CADM2: variants seen among roughly 807,000 people sequenced by gnomAD.
CADM2 encodes the protein immunoglobulin superfamily member 4D.
A neutral mutation model predicts 49.8 loss-of-function variants in CADM2; 12 were observed. The ratio of observed to expected loss-of-function variants is 0.24; its 90% CI spans 0.15 to 0.39. The LOEUF (loss-of-function observed/expected upper bound fraction) is 0.39. CADM2 is among the 10% of genes least tolerant of loss of function. The probability of loss-of-function intolerance (pLI) is 1.00; values close to 1 mark genes in which losing one functional copy is unlikely to be tolerated. For missense variants in CADM2, 378 were observed against 492.3 expected, an observed-to-expected ratio of 0.77 and a Z score of 2.20; for synonymous variants, 214 against 175.4, an observed-to-expected ratio of 1.22 and a Z score of -1.74.
At chr3:85,687,468 A>T (rs955142255) in intron 1 of CADM2, among the ~76,000 whole-genome samples, 4 of 152,196 alleles carry the variant, frequency 2.6e-5, no homozygotes, top group Non-Finnish European at 5.9e-5. Context: ...AAAGGGAAAA[A>T]TATGATAGAA....
chr3:85,716,255 A>G (rs775201376), intron 1 of CADM2, among the ~76,000 whole-genome samples: 12 of 152,204 alleles, frequency 7.9e-5, no homozygotes, highest in Non-Finnish European at 1.5e-4. Context: ...TCTAATGACC[A>G]ATGATGATGA....
intron 1 of CADM2, among the ~76,000 whole-genome samples, chr3:85,096,580 A>T (rs1000490587): frequency 6.6e-6 from 1 of 152,044 alleles, no homozygotes; most frequent in Non-Finnish European, 1.5e-5. Flanking sequence ...GAATATTCGT[A>T]TATCTATAAA....
At chr3:85,187,963 A>T (rs1576073321) in intron 1 of CADM2, among the ~76,000 whole-genome samples, 1 of 152,012 alleles carries the variant, frequency 6.6e-6, no homozygotes, top group African/African-American at 2.4e-5. Flanking sequence ...TTATAATGTA[A>T]GTTACAGTTG....
intron 1 of CADM2, among the ~76,000 whole-genome samples, chr3:85,537,401 A>G (rs563379669): frequency 1.3e-5 from 2 of 152,188 alleles, no homozygotes; most frequent in East Asian, 1.9e-4. Flanking sequence ...TCTGAATTCA[A>G]TGTTAAATTG....
At chr3:85,367,674 G>A (rs577171135) in intron 1 of CADM2, among the ~76,000 whole-genome samples, 2 of 151,930 alleles carry the variant, frequency 1.3e-5, no homozygotes, top group East Asian at 1.9e-4. Context: ...AGTCAGCACC[G>A]TACAGGCATA....
chr3:85,468,030 T>C (rs984472276), intron 1 of CADM2, among the ~76,000 whole-genome samples: 3 of 151,016 alleles, frequency 2.0e-5, no homozygotes, highest in Non-Finnish European at 3.0e-5. Flanking sequence ...GGCGGGCGCC[T>C]GTAGTCCCAG....
intron 8 of CADM2, among the ~76,000 whole-genome samples, chr3:86,032,324 A>G (rs1256580525): frequency 2.6e-5 from 4 of 151,960 alleles, no homozygotes; most frequent in Non-Finnish European, 4.4e-5. Context: ...CTTTTGTTTC[A>G]AAGGACATCT....
intron 1 of CADM2, among the ~76,000 whole-genome samples, chr3:85,343,824 C>A (rs1259503504): frequency 6.6e-6 from 1 of 152,146 alleles, no homozygotes; most frequent in Non-Finnish European, 1.5e-5. Flanking sequence ...CTTGAGTTAT[C>A]TTGTTTGTTT....
intron 2 of CADM2, among the ~76,000 whole-genome samples, chr3:85,745,028 G>C (rs2068557641): frequency 6.6e-6 from 1 of 152,142 alleles, no homozygotes; most frequent in Admixed American, 6.5e-5. Flanking sequence ...TGTGGCGTTG[G>C]TGAGAAGAAA....
At chr3:85,094,220 A>G (rs1370443892) in intron 1 of CADM2, among the ~76,000 whole-genome samples, 1 of 152,162 alleles carries the variant, frequency 6.6e-6, no homozygotes, top group African/African-American at 2.4e-5. Flanking sequence ...AAACTATTTT[A>G]TAAATAAATT....
intron 1 of CADM2, among the ~76,000 whole-genome samples, chr3:85,273,193 T>C (rs1392346503): frequency 1.3e-5 from 2 of 151,304 alleles, no homozygotes; most frequent in East Asian, 1.9e-4. Flanking sequence ...TCAGTGTGGT[T>C]GTATGTGAGT....
At chr3:85,118,203 A>G (rs1189949881) in intron 1 of CADM2, among the ~76,000 whole-genome samples, 1 of 151,858 alleles carries the variant, frequency 6.6e-6, no homozygotes, top group Non-Finnish European at 1.5e-5. Flanking sequence ...ATTTTATATG[A>G]AGTTATATGG....
At chr3:85,018,084 T>C (rs1419540742) in intron 1 of CADM2, among the ~76,000 whole-genome samples, 2 of 152,206 alleles carry the variant, frequency 1.3e-5, no homozygotes, top group African/African-American at 4.8e-5. Flanking sequence ...TCACTTAATG[T>C]GAACATGTGA....
At chr3:85,431,930 A>G (rs2036699209) in intron 1 of CADM2, among the ~76,000 whole-genome samples, 1 of 127,218 alleles carries the variant, frequency 7.9e-6, no homozygotes, top group Non-Finnish European at 1.7e-5. Flanking sequence ...GAGGTTTTAT[A>G]GAGTAGGCTA....
In CADM2 at chr3:85,183,988, A is replaced by G. The variant is rs77282018; in HGVS notation, c.61+224320A>G. Reference sequence around the variant, plus strand: ...TGAGTTATATAGCAAAATGACATGAACAAGAATAAAAATGGTTAGATCATT... The same window carrying G: ...TGAGTTATATAGCAAAATGACATGAGCAAGAATAAAAATGGTTAGATCATT... On this transcript the variant is annotated intron_variant, in intron 1 of 9. Coordinates refer to ENST00000383699, the MANE Select transcript of CADM2 (RefSeq NM_001167675.2). Among the ~76,000 whole-genome samples, 208 of 152,220 alleles carry G rather than the reference A, an allele frequency of 1.4e-3. 4 individuals carry two copies. In the East Asian group the frequency reaches 0.038, roughly 28 times the overall value.
intron 1 of CADM2, among the ~76,000 whole-genome samples, chr3:85,578,520 A>G (rs563737658): frequency 6.6e-6 from 1 of 152,368 alleles, no homozygotes; most frequent in South Asian, 2.1e-4. Context: ...CTTTTGTTTA[A>G]CAGCCCTTCT....
chr3:85,511,185 T>C (rs2040601533), intron 1 of CADM2, among the ~76,000 whole-genome samples: 1 of 152,064 alleles, frequency 6.6e-6, no homozygotes, highest in Non-Finnish European at 1.5e-5. Context: ...TTTGGCTACT[T>C]TCTCAAATTG....
chr3:85,701,149 A>G (rs1484200965), intron 1 of CADM2, among the ~76,000 whole-genome samples: 19 of 152,128 alleles, frequency 1.2e-4, no homozygotes. Flanking sequence ...CACATGGTGG[A>G]GCAGGAAGAA....
chr3:85,703,518 A>T (rs2066847415), intron 1 of CADM2, among the ~76,000 whole-genome samples: 1 of 152,202 alleles, frequency 6.6e-6, no homozygotes. Flanking sequence ...AATGGAGTGA[A>T]GGATCATAAC....
Sources: allele counts gnomAD v4.1 joint callset (sites outside exome capture counted in the v4.1 genomes callset), GRCh38; gene constraint gnomAD v4.1.1; transcripts MANE v1.5; gene names NCBI Gene and HGNC (gene_info 2026-07-23, HGNC 2026-07-21).